ANO2: variants seen among roughly 807,000 people sequenced by gnomAD.
ANO2 encodes the protein anoctamin-2.
Under a neutral mutation model 124.2 loss-of-function variants are expected in ANO2, and 101 were observed. The ratio of observed to expected loss-of-function variants is 0.81; its 90% CI spans 0.69 to 0.96. The LOEUF (loss-of-function observed/expected upper bound fraction) is 0.96. ANO2 is among the 40% of genes least tolerant of loss of function. ANO2 has a pLI of 0.00. For missense variants in ANO2, 1,293 were observed against 1,274.5 expected, an observed-to-expected ratio of 1.01 and a Z score of -0.22; for synonymous variants, 486 against 482.5, an observed-to-expected ratio of 1.01 and a Z score of -0.09.
At chr12:5,935,197 G>A (rs1942595985) in intron 1 of ANO2, among the ~76,000 whole-genome samples, 1 of 152,186 alleles carries the variant, frequency 6.6e-6, no homozygotes, top group African/African-American at 2.4e-5. Flanking sequence ...CACACTGCTT[G>A]AGGATAGGCA....
intron 14 of ANO2, among the ~76,000 whole-genome samples, chr12:5,704,542 T>C (rs1273734025): frequency 6.6e-6 from 1 of 152,196 alleles, no homozygotes; most frequent in Non-Finnish European, 1.5e-5. Context: ...AACTTTGTAA[T>C]GCAGCAATTC....
At position 5,904,313 on chromosome 12, in the gene ANO2, A is replaced by G. The variant is rs1177510502; in HGVS notation, c.534+16727T>C. The stretch of plus-strand genomic sequence containing the variant: ...ACCTGCTGGTGCCCAATACACCACC[A>G]TTCACCTAAGGCTTTGATCCCTGAG... On this transcript the variant is annotated intron_variant, in intron 3 of 24. Transcript: ENST00000682330. This position sits in a 1 kb window ranked among gnomAD's most constrained non-coding sequence, Gnocchi z 4.1. Among the ~76,000 whole-genome samples, 2 of 152,212 alleles carry G rather than the reference A, an allele frequency of 1.3e-5. No homozygotes were observed. The highest frequency in any genetic ancestry group is 6.5e-5 in the Admixed American group (1 of 15,284).
intron 3 of ANO2, among the ~76,000 whole-genome samples, chr12:5,879,226 A>G (rs1371265625): frequency 1.3e-5 from 2 of 151,376 alleles, no homozygotes; most frequent in Non-Finnish European, 2.9e-5. Context: ...CAAATCATCA[A>G]TAATCAGCAG....
At chr12:5,831,002 G>C (rs1055011034) in intron 5 of ANO2, among the ~76,000 whole-genome samples, 5 of 152,192 alleles carry the variant, frequency 3.3e-5, no homozygotes, top group African/African-American at 1.2e-4. Flanking sequence ...TTCAAAATTT[G>C]ATTTAATGTC....
At chr12:5,871,804 T>C (rs1468617704) in intron 3 of ANO2, among the ~76,000 whole-genome samples, 2 of 152,208 alleles carry the variant, frequency 1.3e-5, no homozygotes, top group African/African-American at 4.8e-5. Flanking sequence ...TCTGCTGTTT[T>C]TGCTTATGTC....
intron 10 of ANO2, among the ~76,000 whole-genome samples, chr12:5,783,834 AG>A (rs1278852162): frequency 6.6e-6 from 1 of 152,138 alleles, no homozygotes; most frequent in Admixed American, 6.5e-5. Context: ...TTCTCCCACT[AG>A]GGCTCCAGCC....
At chr12:5,863,208 G>A (rs1450542185) in intron 3 of ANO2, among the ~76,000 whole-genome samples, 1 of 152,132 alleles carries the variant, frequency 6.6e-6, no homozygotes, top group Non-Finnish European at 1.5e-5. Flanking sequence ...CATATCAAGG[G>A]TGAGAGAACC....
intron 3 of ANO2, among the ~76,000 whole-genome samples, chr12:5,917,289 A>G (rs61908408): frequency 0.15 from 23,041 of 152,144 alleles, 1,980 homozygotes; most frequent in Middle Eastern, 0.2. Context: ...GGCCAGGACC[A>G]TTACATTTTA....
chr12:5,785,049 A>G (rs928293941), intron 10 of ANO2, among the ~76,000 whole-genome samples: 5 of 152,178 alleles, frequency 3.3e-5, no homozygotes, highest in Admixed American at 6.5e-5. Context: ...TGAACTCTGC[A>G]TGGCATTCCC....
chr12:5,888,299 G>A (rs932201038), intron 3 of ANO2, among the ~76,000 whole-genome samples: 51 of 152,144 alleles, frequency 3.4e-4, no homozygotes, highest in African/African-American at 1.2e-3. Context: ...CGCGGTGAGC[G>A]TTACAGCTCA....
intron 10 of ANO2, among the ~76,000 whole-genome samples, chr12:5,770,006 A>G (rs963623030): frequency 6.6e-6 from 1 of 152,210 alleles, no homozygotes; most frequent in Non-Finnish European, 1.5e-5. Flanking sequence ...TCTACATTTA[A>G]TAGATGAGAG....
At chr12:5,688,053 C>T (rs1401459723) in intron 14 of ANO2, among the ~76,000 whole-genome samples, 1 of 152,214 alleles carries the variant, frequency 6.6e-6, no homozygotes, top group Non-Finnish European at 1.5e-5. Flanking sequence ...TATTAATCAT[C>T]ACCCCACGCT....
intron 9 of ANO2, among the ~76,000 whole-genome samples, chr12:5,804,962 G>A (rs1030308027): frequency 6.6e-6 from 1 of 152,108 alleles, no homozygotes; most frequent in Admixed American, 6.5e-5. Flanking sequence ...ATGGTTGGGC[G>A]AGAGAGGTGA....
chr12:5,584,346 G>A (rs891176696), intron 20 of ANO2, among the ~76,000 whole-genome samples: 2 of 152,158 alleles, frequency 1.3e-5, no homozygotes, highest in Admixed American at 6.5e-5. Flanking sequence ...GAGCTTGTGA[G>A]AAACTCACAC....
intron 3 of ANO2, among the ~76,000 whole-genome samples, chr12:5,878,213 T>C (rs1427644122): frequency 6.6e-6 from 1 of 152,262 alleles, no homozygotes; most frequent in Non-Finnish European, 1.5e-5. Flanking sequence ...TTGTGCGTGA[T>C]GTATTTTATC....
intron 19 of ANO2, among the ~76,000 whole-genome samples, chr12:5,604,864 C>T (rs1565464133): frequency 6.6e-6 from 1 of 152,036 alleles, no homozygotes; most frequent in Non-Finnish European, 1.5e-5. Context: ...ATGATGCACT[C>T]ACTCATTAAA....
chr12:5,644,265 C>T (rs1423278347), intron 15 of ANO2, among the ~76,000 whole-genome samples: 2 of 152,196 alleles, frequency 1.3e-5, no homozygotes, highest in Admixed American at 6.5e-5. Context: ...GAAGCACTTA[C>T]TGAGAAGTTC....
At chr12:5,921,826 C>T (rs1451671916) in intron 2 of ANO2, among the ~76,000 whole-genome samples, 3 of 152,152 alleles carry the variant, frequency 2.0e-5, no homozygotes, top group Admixed American at 1.3e-4. Flanking sequence ...CGTATCTACC[C>T]GAGTGCGCTC....
At chr12:5,742,746 T>C (rs1307291389) in intron 12 of ANO2, among the ~76,000 whole-genome samples, 2 of 152,136 alleles carry the variant, frequency 1.3e-5, no homozygotes, top group African/African-American at 4.8e-5. Flanking sequence ...AAAAAATGAA[T>C]ACGTATTCTG....
Sources: gnomAD v4.1 joint callset for allele counts (sites outside exome capture counted in the v4.1 genomes callset) on GRCh38, gnomAD v4.1.1 for gene constraint, Gnocchi (gnomAD v3.1) non-coding constraint, MANE v1.5 for transcripts, NCBI Gene and HGNC (gene_info 2026-07-23, HGNC 2026-07-21) for gene names.